The following DAB1 variants were observed in gnomAD, a reference collection of about 807,000 sequenced individuals.
DAB1 encodes the protein DAB adaptor protein 1, also known as disabled homolog 1.
DAB1 carries 15 observed loss-of-function variants against 64.6 expected under a neutral mutation model. That is an observed-to-expected ratio of 0.23 (90% CI 0.16 to 0.36). DAB1 has a LOEUF of 0.36. DAB1 is among the 10% of genes least tolerant of loss of function. The pLI is 1.00. For missense variants in DAB1, 596 were observed against 706.7 expected (o/e 0.84, Z 1.78); for synonymous variants, 235 against 251.9 (o/e 0.93, Z 0.64).
chr1:57,677,787 A>T (rs972203670), intron 6 of DAB1, among the ~76,000 whole-genome samples: 7 of 152,214 alleles, frequency 4.6e-5, no homozygotes, highest in Non-Finnish European at 8.8e-5. Context: ...TTGAATGCTC[A>T]TTCTTTGCAA....
Position 58,300,633 on chromosome 1 carries a change from AGAGAGAGAGAGAGAGG to A in DAB1, n.309+42703_309+42718del, listed in dbSNP as rs1264384450. ...GAAAGAGAGAGAGAGAGAGAGAGAG[AGAGAGAGAGAGAGAGG>A]AAGGAAGGAAGGAAGGAAGGAAGGA... On this transcript the variant is annotated intron_variant and non_coding_transcript_variant, in intron 4 of 20. Coordinates refer to the DAB1 transcript ENST00000485760. 5.6e-3 allele frequency among the ~76,000 whole-genome samples: 357 copies of A among 64,204 alleles called. 7 individuals carry two copies. Among genetic ancestry groups the A allele is most frequent in the East Asian group, 0.016 (26 of 1,658 alleles). The allele number at this position is 64,204 out of a possible 152,430, so 42.1% of individuals were successfully genotyped here.
At chr1:57,690,361 C>T (rs1006984601) in intron 6 of DAB1, among the ~76,000 whole-genome samples, 8 of 152,078 alleles carry the variant, frequency 5.3e-5, no homozygotes, top group Non-Finnish European at 1.2e-4. Context: ...AATTGGATCA[C>T]GGGGCAGATT....
At chr1:57,562,496 C>A (rs535465083) in intron 7 of DAB1, among the ~76,000 whole-genome samples, 1 of 152,344 alleles carries the variant, frequency 6.6e-6, no homozygotes, top group Admixed American at 6.5e-5. Context: ...GGCAGAATGG[C>A]CTTTTGAAGT....
At chr1:58,249,106 T>C (rs1188177189) in intron 4 of DAB1, among the ~76,000 whole-genome samples, 1 of 152,040 alleles carries the variant, frequency 6.6e-6, no homozygotes, top group African/African-American at 2.4e-5. Context: ...TTCTGAGCTG[T>C]TCGAAACAGG....
chr1:57,256,582 G>GGAA (rs1669778832), intron 2 of DAB1, among the ~76,000 whole-genome samples: 1 of 152,030 alleles, frequency 6.6e-6, no homozygotes, highest in Non-Finnish European at 1.5e-5. Flanking sequence ...GCCTCAGCCT[G>GGAA]CTCTTACACA....
chr1:58,400,245 G>A (rs1644557872), intron 3 of DAB1, among the ~76,000 whole-genome samples: 2 of 151,488 alleles, frequency 1.3e-5, no homozygotes, highest in Admixed American at 6.6e-5. Context: ...GATGGCCATA[G>A]TAATACTCCT....
At chr1:58,223,547 C>A (rs1261396290) in intron 4 of DAB1, among the ~76,000 whole-genome samples, 1 of 152,222 alleles carries the variant, frequency 6.6e-6, no homozygotes, top group Non-Finnish European at 1.5e-5. Flanking sequence ...AAGGCATTGA[C>A]ACCTTCTTGG....
intron 3 of DAB1, among the ~76,000 whole-genome samples, chr1:58,366,188 C>T (rs981639256): frequency 3.3e-5 from 5 of 152,244 alleles, no homozygotes; most frequent in African/African-American, 7.2e-5. Flanking sequence ...TCACAGTGAC[C>T]GATATCTCAT....
chr1:57,891,699 G>A (rs1384351088), intron 5 of DAB1, among the ~76,000 whole-genome samples: 1 of 152,152 alleles, frequency 6.6e-6, no homozygotes, highest in African/African-American at 2.4e-5. Context: ...GTCCTTTGCA[G>A]GAACATGGAT....
At chr1:57,327,004 T>A (rs61574841) in intron 1 of DAB1, among the ~76,000 whole-genome samples, 1,523 of 152,214 alleles carry the variant, frequency 0.01, 33 homozygotes, top group African/African-American at 0.035. Context: ...AGTGGCACAA[T>A]CTTGGTTCAT....
chr1:57,667,907 A>T (rs1646467578), intron 6 of DAB1, among the ~76,000 whole-genome samples: 1 of 152,066 alleles, frequency 6.6e-6, no homozygotes, highest in Non-Finnish European at 1.5e-5. Context: ...GGAGAGCATT[A>T]GGACAAATAC....
chr1:57,545,089 A>G (rs1029483020), intron 7 of DAB1, among the ~76,000 whole-genome samples: 2 of 152,070 alleles, frequency 1.3e-5, no homozygotes, highest in African/African-American at 4.8e-5. Context: ...CTCTGATCCC[A>G]TTCCTGGCTT....
intron 5 of DAB1, among the ~76,000 whole-genome samples, chr1:58,023,650 TATAAGA>T (rs1382444064): frequency 2.0e-5 from 3 of 152,172 alleles, no homozygotes; most frequent in African/African-American, 7.2e-5. Context: ...ATAATAGAAG[TATAAGA>T]ATAATTTATG....
chr1:57,032,436 G>A (rs1246652300), intron 9 of DAB1, among the ~76,000 whole-genome samples: 2 of 152,144 alleles, frequency 1.3e-5, no homozygotes, highest in Non-Finnish European at 2.9e-5. Flanking sequence ...CTCAGGGTCT[G>A]ACATGTGCTC....
chr1:57,996,540 GC>G (rs1437431923), intron 5 of DAB1, among the ~76,000 whole-genome samples: 1 of 152,084 alleles, frequency 6.6e-6, no homozygotes, highest in Non-Finnish European at 1.5e-5. Flanking sequence ...TCATTCATGA[GC>G]CCTTGCTTTG....
intron 4 of DAB1, among the ~76,000 whole-genome samples, chr1:58,205,251 T>C (rs547693008): frequency 6.6e-5 from 10 of 151,626 alleles, no homozygotes; most frequent in African/African-American, 2.2e-4. Flanking sequence ...TTATTTTTTT[T>C]CTCTCACAGG....
intron 6 of DAB1, among the ~76,000 whole-genome samples, chr1:57,794,294 A>G (rs1650739066): frequency 6.6e-6 from 1 of 152,196 alleles, no homozygotes; most frequent in Non-Finnish European, 1.5e-5. Flanking sequence ...CCAACAGGGT[A>G]AAGTCCAAAC....
intron 3 of DAB1, among the ~76,000 whole-genome samples, chr1:58,383,383 C>T (rs567713255): frequency 1.2e-4 from 19 of 152,262 alleles, no homozygotes; most frequent in Admixed American, 5.9e-4. Flanking sequence ...GGACTCCTAG[C>T]GGCCCCAAAA....
At chr1:57,203,807 G>A (rs773120138) in intron 2 of DAB1, among the ~76,000 whole-genome samples, 9 of 152,118 alleles carry the variant, frequency 5.9e-5, no homozygotes, top group Admixed American at 2.6e-4. Context: ...AAACTGTACC[G>A]GTTCCGGACA....
Sources: gnomAD v4.1 joint callset for allele counts (sites outside exome capture counted in the v4.1 genomes callset) on GRCh38, gnomAD v4.1.1 for gene constraint, MANE v1.5 for transcripts, NCBI Gene and HGNC (gene_info 2026-07-23, HGNC 2026-07-21) for gene names.